TBC1D32: variants seen among roughly 807,000 people sequenced by gnomAD.
TBC1D32 encodes the protein protein broad-minded.
A neutral mutation model predicts 170.3 loss-of-function variants in TBC1D32; 151 were observed. The observed-to-expected ratio is 0.89, with a 90% CI of 0.78 to 1.01. The LOEUF (loss-of-function observed/expected upper bound fraction) is 1.01, where lower values mean the gene tolerates loss of function less well. TBC1D32 is among the 50% of genes least tolerant of loss of function. The probability of loss-of-function intolerance (pLI) is 0.00; values close to 1 mark genes in which losing one functional copy is unlikely to be tolerated. For synonymous variants in TBC1D32, 498 were observed against 488.0 expected (o/e 1.02, Z -0.27); for missense variants, 1,464 against 1,457.1 (o/e 1.00, Z -0.08).
chr6:121,162,683 CA>C (rs1411270171), intron 22 of TBC1D32, among the ~76,000 whole-genome samples: 1 of 152,162 alleles, frequency 6.6e-6, no homozygotes, highest in Non-Finnish European at 1.5e-5. Flanking sequence ...CTTAAGCTGA[CA>C]AGCAAAGTCT....
At chr6:121,159,601 G>T (rs568454534) in intron 24 of TBC1D32, among the ~76,000 whole-genome samples, 1 of 151,998 alleles carries the variant, frequency 6.6e-6, no homozygotes, top group African/African-American at 2.4e-5. Flanking sequence ...AACCTAGAGG[G>T]TATAGTCTAA....
At chr6:121,085,276 C>CATATATAT (rs1562425111) in intron 31 of TBC1D32, among the ~76,000 whole-genome samples, 1 of 116,752 alleles carries the variant, frequency 8.6e-6, no homozygotes, top group African/African-American at 4.6e-5. Flanking sequence ...TACATATATA[C>CATATATAT]GTATATATAT....
intron 31 of TBC1D32, among the ~76,000 whole-genome samples, chr6:121,087,938 GTTACATGGGGAATT>G (rs1229996153): frequency 1.1e-3 from 157 of 146,844 alleles, no homozygotes; most frequent in African/African-American, 3.6e-3. Flanking sequence ...GTGGTATGCA[GTTACATGGGGAATT>G]TTTTTTTTTT....
chr6:121,321,255 G>A (rs1583748215), intron 2 of TBC1D32, among the ~76,000 whole-genome samples: 1 of 152,122 alleles, frequency 6.6e-6, no homozygotes, highest in South Asian at 2.1e-4. Context: ...TTTAGGAAAA[G>A]GGCATTCTAG....
chr6:121,209,409 G>A (rs1047954005), intron 21 of TBC1D32, among the ~76,000 whole-genome samples: 17 of 152,098 alleles, frequency 1.1e-4, no homozygotes, highest in Admixed American at 4.6e-4. Context: ...GCACTATGTT[G>A]TACAGTAGAT....
chr6:121,280,620 G>T (rs975289455), intron 14 of TBC1D32, among the ~76,000 whole-genome samples: 3 of 151,772 alleles, frequency 2.0e-5, no homozygotes, highest in African/African-American at 7.2e-5. Flanking sequence ...TGGACCAAGC[G>T]TAAAATTTTC....
At chr6:121,271,493 T>A (rs962233359) in intron 15 of TBC1D32, among the ~76,000 whole-genome samples, 16 of 152,280 alleles carry the variant, frequency 1.1e-4, no homozygotes, top group African/African-American at 3.6e-4. Context: ...AGCCACATCC[T>A]GAGTGAACTC....
At chr6:121,169,544 T>C (rs1191298142) in intron 22 of TBC1D32, among the ~76,000 whole-genome samples, 1 of 152,168 alleles carries the variant, frequency 6.6e-6, no homozygotes, top group Non-Finnish European at 1.5e-5. Flanking sequence ...TTTTACTGCA[T>C]TTAAAGAAAT....
At chr6:121,184,020 C>A (rs934979121) in intron 22 of TBC1D32, among the ~76,000 whole-genome samples, 1 of 152,050 alleles carries the variant, frequency 6.6e-6, no homozygotes, top group African/African-American at 2.4e-5. Context: ...TGTATCTGTT[C>A]ATTACATGTA....
chr6:121,201,905 TATG>T (rs1290720505), intron 22 of TBC1D32, among the ~76,000 whole-genome samples: 1 of 151,138 alleles, frequency 6.6e-6, no homozygotes, highest in Non-Finnish European at 1.5e-5. Flanking sequence ...AGAAAAAAGT[TATG>T]ATGACTTTCA....
chr6:121,155,986 T>G (rs868591109), intron 24 of TBC1D32, among the ~76,000 whole-genome samples: 2 of 152,080 alleles, frequency 1.3e-5, no homozygotes, highest in Non-Finnish European at 2.9e-5. Flanking sequence ...CTTTTTTTGT[T>G]GTCTCTGTCA....
chr6:121,299,742 T>C (rs190036517), intron 9 of TBC1D32, among the ~76,000 whole-genome samples: 283 of 152,238 alleles, frequency 1.9e-3, no homozygotes, highest in African/African-American at 6.4e-3. Context: ...TAGAAGAACA[T>C]TCTATCCATC....
In TBC1D32 at chr6:121,226,821, C is replaced by T. The variant is rs1795128290; in HGVS notation, c.2365-3469G>A. ...TTTAACTGCTGTCATTATATGAGCACTTACTTTTGGCCAAATGCTATAGTA... is the reference window on the plus strand; with the variant it reads ...TTTAACTGCTGTCATTATATGAGCATTTACTTTTGGCCAAATGCTATAGTA... On this transcript the variant is annotated intron_variant, in intron 20 of 31. Coordinates refer to ENST00000398212, the MANE Select transcript of TBC1D32 (RefSeq NM_152730.6). 2.0e-5 allele frequency among the ~76,000 whole-genome samples: 3 copies of T among 152,214 alleles called. No homozygotes were observed. The South Asian group carries it at 6.2e-4, about 32-fold the overall frequency.
At chr6:121,192,066 T>TTATATATATATA (rs1554263739) in intron 22 of TBC1D32, among the ~76,000 whole-genome samples, 2,148 of 122,340 alleles carry the variant, frequency 0.018, 95 homozygotes, top group African/African-American at 0.071. Context: ...AAACTACCCT[T>TTATATATATATA]TATATATATA....
At chr6:121,170,322 A>G (rs2128252668) in intron 22 of TBC1D32, 1 of 1,323,082 alleles carries the variant, frequency 7.6e-7, no homozygotes, top group East Asian at 2.5e-5. Context: ...AAAACATTAA[A>G]CAAGCTATAT....
intron 22 of TBC1D32, among the ~76,000 whole-genome samples, chr6:121,196,722 C>T (rs1790783373): frequency 6.6e-6 from 1 of 152,140 alleles, no homozygotes; most frequent in Non-Finnish European, 1.5e-5. Flanking sequence ...GGTGGAATGG[C>T]CTTTTGAAGT....
intron 17 of TBC1D32, among the ~76,000 whole-genome samples, chr6:121,245,175 C>T (rs904708585): frequency 2.0e-5 from 3 of 152,200 alleles, no homozygotes; most frequent in Non-Finnish European, 4.4e-5. Context: ...TTCAAGAAAG[C>T]CAGCACATTA....
intron 24 of TBC1D32, among the ~76,000 whole-genome samples, chr6:121,154,586 A>G (rs1784635840): frequency 6.6e-6 from 1 of 152,226 alleles, no homozygotes; most frequent in Admixed American, 6.5e-5. Context: ...CTCAAACTAT[A>G]AAATTCCTAG....
chr6:121,224,475 C>T (rs1177121796), intron 20 of TBC1D32: 1 of 151,902 alleles, frequency 6.6e-6, no homozygotes, highest in East Asian at 1.9e-4. Context: ...TTTGAAAATT[C>T]AGAAAATTAA....
Sources: allele counts gnomAD v4.1 joint callset (sites outside exome capture counted in the v4.1 genomes callset), GRCh38; gene constraint gnomAD v4.1.1; transcripts MANE v1.5; gene names NCBI Gene and HGNC (gene_info 2026-07-23, HGNC 2026-07-21).